SLC23A2: variants seen among roughly 807,000 people sequenced by gnomAD.
The protein encoded by SLC23A2 is solute carrier family 23 member 2.
In SLC23A2, 36 loss-of-function variants were observed where a neutral mutation model predicts 73.3. The observed-to-expected ratio is 0.49, with a 90% CI of 0.38 to 0.65. SLC23A2 has a LOEUF of 0.65. Ranked by LOEUF, SLC23A2 falls within the 30% of genes least tolerant of loss-of-function variation. The pLI is 0.00. For missense variants in SLC23A2, 507 were observed against 841.6 expected, an observed-to-expected ratio of 0.60 and a Z score of 4.92; for synonymous variants, 343 against 327.3, an observed-to-expected ratio of 1.05 and a Z score of -0.52.
At chr20:4,925,996 G>GT (rs1257842152) in intron 3 of SLC23A2, among the ~76,000 whole-genome samples, 1 of 152,226 alleles carries the variant, frequency 6.6e-6, no homozygotes, top group African/African-American at 2.4e-5. Flanking sequence ...CCACTGGGCT[G>GT]TAAGCAGCTG....
At position 4,894,617 on chromosome 20, in the gene SLC23A2, C is replaced by A. The variant is rs188491228; in HGVS notation, c.482+4938G>T. Among the ~76,000 whole-genome samples the A allele has an allele frequency of 2.3e-4, 35 of 152,254 alleles. No individual in the cohort carries two copies. The East Asian group carries it at 6.4e-3, about 28-fold the overall frequency. ...GGAGGGGAACCATGCTGCCTGCTGA[C>A]CTGGGTAGTTCTATTTAGGTCTTGT... On this transcript the variant is annotated intron_variant, in intron 6 of 16. Coordinates refer to ENST00000338244, the MANE Select transcript of SLC23A2 (RefSeq NM_005116.6).
intron 1 of SLC23A2, among the ~76,000 whole-genome samples, chr20:4,988,053 C>A (rs910917757): frequency 6.6e-6 from 1 of 150,590 alleles, no homozygotes; most frequent in Non-Finnish European, 1.5e-5. Context: ...AATCTCAGCA[C>A]TTTGGGAGGC....
intron 1 of SLC23A2, among the ~76,000 whole-genome samples, chr20:4,989,232 G>A (rs1364189455): frequency 4.5e-5 from 6 of 134,098 alleles, no homozygotes; most frequent in African/African-American, 8.4e-5. Context: ...GCGAGACCCC[G>A]TCTCAAAAAA....
intron 1 of SLC23A2, among the ~76,000 whole-genome samples, chr20:4,972,576 G>GGTTT (rs35951917): frequency 1.4e-5 from 2 of 143,954 alleles, no homozygotes. Context: ...GTTTTTTGGG[G>GGTTT]TTTTTTTGTT....
In SLC23A2 at chr20:4,883,698, G is replaced by A; in HGVS notation, c.768C>T (p.Leu256=). 1.2e-6 allele frequency: 2 copies of A among 1,613,894 alleles called. No homozygotes were observed. The highest frequency in any genetic ancestry group is 2.2e-5 in the South Asian group (2 of 91,052). Reference sequence around the variant, plus strand: ...TCTCCCCCGCTGCCTGGAAACCAGAGAGGCCAATTAGGGCCACCGTGGGTG... The same window carrying A: ...TCTCCCCCGCTGCCTGGAAACCAGAAAGGCCAATTAGGGCCACCGTGGGTG... ...TITPTVALIG[L]SGFQAAGERA... The change falls in exon 9 of 17, where the codon CTC becomes CTT. Residue 256 remains leucine, a synonymous_variant. Transcript: ENST00000338244. The surrounding 1 kb of genome is among the most constrained non-coding windows in gnomAD (Gnocchi z 4.5).
At chr20:4,858,057 C>G (rs1266094707) in intron 16 of SLC23A2, among the ~76,000 whole-genome samples, 3 of 152,224 alleles carry the variant, frequency 2.0e-5, no homozygotes, top group Non-Finnish European at 4.4e-5. Context: ...AGGGCTGAAT[C>G]TTTATTGTAT....
At chr20:4,903,809 C>A (rs1249603545) in intron 4 of SLC23A2, among the ~76,000 whole-genome samples, 1 of 152,174 alleles carries the variant, frequency 6.6e-6, no homozygotes. Context: ...TTATGGATGT[C>A]TTTAAAAACT....
At chr20:4,900,683 C>T (rs939134368) in intron 5 of SLC23A2, among the ~76,000 whole-genome samples, 6 of 152,246 alleles carry the variant, frequency 3.9e-5, no homozygotes, top group South Asian at 4.1e-4. Context: ...GGGTTAAGGG[C>T]GTACAGTAGC....
rs1271146482 is a variant in SLC23A2, at chr20:4,884,899, A to C, written c.572-76T>G. On this transcript the variant is annotated intron_variant, in intron 7 of 16. Transcript: ENST00000338244. ...GACATATTCATTTTACCTTTTAAGA[A>C]GAATTTTCTCCCTGTTTTTATTACA... The C allele has an allele frequency of 6.0e-6, 5 of 838,048 alleles. No homozygotes were observed. In the East Asian group the frequency reaches 1.1e-4, roughly 18 times the overall value. 51.9% of individuals were successfully genotyped at this position (838,048 alleles called of 1,614,324 possible).
Position 4,883,935 on chromosome 20 carries a change from A to C in SLC23A2, c.643-112T>G, listed in dbSNP as rs1930993967. The stretch of plus-strand genomic sequence containing the variant: ...CTGCAAGGCAATAAGTTATTACATC[A>C]TCTAACTTGGGAGAGATAGCTAGAA... On this transcript the variant is annotated intron_variant, in intron 8 of 16. Transcript: ENST00000338244. The surrounding 1 kb of genome is among the most constrained non-coding windows in gnomAD (Gnocchi z 4.5). The C allele has an allele frequency of 4.0e-6, 3 of 756,804 alleles. No homozygotes were observed. Among genetic ancestry groups the C allele is most frequent in the East Asian group, 6.0e-5 (2 of 33,274 alleles). 46.9% of individuals were successfully genotyped at this position (756,804 alleles called of 1,614,324 possible).
At position 4,884,805 on chromosome 20, in the gene SLC23A2, C is replaced by A; in HGVS notation, c.590G>T (p.Gly197Val). 6.4e-7 allele frequency: 1 copy of A among 1,562,998 alleles called. No individual in the cohort carries two copies. The highest frequency in any genetic ancestry group is 1.2e-5 in the South Asian group (1 of 84,076). ...TTCTGTGTGCAACAGCTCTGCTGTTCCATTGGCAACTGAAACATCTTGAAA... is the reference window on the plus strand; with the variant it reads ...TTCTGTGTGCAACAGCTCTGCTGTTACATTGGCAACTGAAACATCTTGAAA... ...CNTTDVSVAN[G>V]TAELLHTEHI... Residue 197 changes from glycine to valine, a missense_variant, in exon 8 of 17, where the codon GGA becomes GTA. Around this residue, in one of 5 missense-constraint regions of SLC23A2, gnomAD observed 217 missense variants for 398.0 expected, o/e 0.55. Coordinates refer to ENST00000338244, the MANE Select transcript of SLC23A2 (RefSeq NM_005116.6).
intron 3 of SLC23A2, among the ~76,000 whole-genome samples, chr20:4,925,295 T>C (rs1932632129): frequency 6.6e-6 from 1 of 152,150 alleles, no homozygotes; most frequent in South Asian, 2.1e-4. Flanking sequence ...AAAGGACAAA[T>C]TAATGAATGG....
chr20:4,991,373 G>C (rs1426198309), intron 1 of SLC23A2, among the ~76,000 whole-genome samples: 1 of 152,048 alleles, frequency 6.6e-6, no homozygotes, highest in Non-Finnish European at 1.5e-5. Context: ...GCTTCCCAAA[G>C]TACTGGGATT....
intron 2 of SLC23A2, among the ~76,000 whole-genome samples, chr20:4,934,490 G>A (rs1024962961): frequency 4.6e-5 from 7 of 152,086 alleles, no homozygotes; most frequent in East Asian, 1.9e-4. Flanking sequence ...GGATACACTC[G>A]GAACATGCAT....
chr20:4,875,743 A>G (rs2122807844), intron 9 of SLC23A2, among the ~76,000 whole-genome samples: 1 of 152,318 alleles, frequency 6.6e-6, no homozygotes, highest in South Asian at 2.1e-4. Flanking sequence ...TCACCGAAAC[A>G]AAACTCGTGC....
At chr20:4,877,951 C>T (rs548125052) in intron 9 of SLC23A2, among the ~76,000 whole-genome samples, 51 of 152,328 alleles carry the variant, frequency 3.3e-4, no homozygotes, top group Middle Eastern at 3.4e-3. Flanking sequence ...TTTGTACAAC[C>T]TCATTCACTC....
At chr20:4,939,979 A>G (rs1174176524) in intron 2 of SLC23A2, among the ~76,000 whole-genome samples, 1 of 151,910 alleles carries the variant, frequency 6.6e-6, no homozygotes, top group Non-Finnish European at 1.5e-5. Flanking sequence ...ATCCATTAAT[A>G]CCCCCCCAAC....
At chr20:4,895,350 TCA>T (rs1423298075) in intron 6 of SLC23A2, among the ~76,000 whole-genome samples, 8 of 152,166 alleles carry the variant, frequency 5.3e-5, no homozygotes, top group African/African-American at 1.9e-4. Flanking sequence ...TGCTCCCTGC[TCA>T]CAGTCTCTCT....
At chr20:4,982,324 T>C (rs2087740922) in intron 1 of SLC23A2, among the ~76,000 whole-genome samples, 1 of 152,158 alleles carries the variant, frequency 6.6e-6, no homozygotes. Context: ...AAAAATGGAA[T>C]GAAGTAGACT....
Sources: gnomAD v4.1 joint callset for allele counts (sites outside exome capture counted in the v4.1 genomes callset) on GRCh38, gnomAD v4.1.1 for gene constraint, gnomAD v4.1.1 regional missense constraint, Gnocchi (gnomAD v3.1) non-coding constraint, MANE v1.5 for transcripts, NCBI Gene and HGNC (gene_info 2026-07-23, HGNC 2026-07-21) for gene names.